The following EXOC4 variants were observed in gnomAD, a reference collection of about 807,000 sequenced individuals.
EXOC4 encodes SEC8-like 1.
In EXOC4, 71 loss-of-function variants were observed where a neutral mutation model predicts 107.2. The observed-to-expected ratio is 0.66, with a 90% CI of 0.55 to 0.81. The LOEUF (loss-of-function observed/expected upper bound fraction) is 0.81. EXOC4 is among the 30% of genes least tolerant of loss of function. The pLI, the probability that EXOC4 is intolerant of heterozygous loss-of-function variation, is 0.00. For synonymous variants in EXOC4, 456 were observed against 441.2 expected (o/e 1.03, Z -0.42); for missense variants, 1,108 against 1,189.6 (o/e 0.93, Z 1.01).
chr7:134,056,983 G>A (rs749610677), intron 17 of EXOC4, among the ~76,000 whole-genome samples: 18 of 152,158 alleles, frequency 1.2e-4, no homozygotes, highest in East Asian at 1.9e-4. Context: ...GTCAGGATAC[G>A]TTCCTGAGAG....
intron 4 of EXOC4, among the ~76,000 whole-genome samples, chr7:133,313,840 T>G (rs529642753): frequency 6.6e-6 from 1 of 152,272 alleles, no homozygotes; most frequent in East Asian, 1.9e-4. Flanking sequence ...TCCTCTACCA[T>G]GTTGCTATTG....
intron 11 of EXOC4, among the ~76,000 whole-genome samples, chr7:133,828,842 T>G (rs1187233510): frequency 6.6e-6 from 1 of 152,246 alleles, no homozygotes; most frequent in Non-Finnish European, 1.5e-5. Flanking sequence ...AGAATAAACT[T>G]AAAGCAAGAC....
At chr7:134,059,010 G>C (rs1408623396) in intron 17 of EXOC4, among the ~76,000 whole-genome samples, 1 of 152,140 alleles carries the variant, frequency 6.6e-6, no homozygotes, top group African/African-American at 2.4e-5. Context: ...AGACGTAGCT[G>C]TATATTTTAA....
At chr7:133,586,605 G>A (rs1200719405) in intron 9 of EXOC4, among the ~76,000 whole-genome samples, 6 of 152,108 alleles carry the variant, frequency 3.9e-5, no homozygotes, top group Non-Finnish European at 7.4e-5. Flanking sequence ...TCTTTATGGT[G>A]GAATGATTTA....
intron 13 of EXOC4, among the ~76,000 whole-genome samples, chr7:133,921,155 A>C (rs917351040): frequency 2.0e-5 from 3 of 152,192 alleles, no homozygotes; most frequent in Admixed American, 2.0e-4. Context: ...GGGTGGGGCT[A>C]GTGTAAGTCA....
At chr7:133,418,606 C>T (rs1293708683) in intron 7 of EXOC4, among the ~76,000 whole-genome samples, 1 of 152,158 alleles carries the variant, frequency 6.6e-6, no homozygotes, top group Non-Finnish European at 1.5e-5. Flanking sequence ...ATAACAGGAG[C>T]TCTAGTTAAA....
Position 133,344,553 on chromosome 7 carries a change from T to G in EXOC4, c.764-11777T>G, listed in dbSNP as rs191472100. Among the ~76,000 whole-genome samples the G allele has an allele frequency of 6.6e-5, 10 of 152,318 alleles. No homozygotes were observed. The East Asian group carries it at 1.9e-3, about 29-fold the overall frequency. On this transcript the variant is annotated intron_variant, in intron 5 of 17. Coordinates refer to ENST00000253861, the MANE Select transcript of EXOC4 (RefSeq NM_021807.4). Reference sequence around the variant, plus strand: ...TAGCTGTCTTGTCATCGGGTAGGATTCCAAATTTTCCCTTTTTTCCTGTTT... The same window carrying G: ...TAGCTGTCTTGTCATCGGGTAGGATGCCAAATTTTCCCTTTTTTCCTGTTT...
intron 13 of EXOC4, 143 bp downstream of exon 13, chr7:133,917,881 T>A (rs969387291): frequency 3.9e-6 from 3 of 772,048 alleles, no homozygotes; most frequent in Admixed American, 3.1e-5. Flanking sequence ...TTTCCTCCTG[T>A]CTCACCTCAT....
chr7:134,063,346 C>T (rs186090736), intron 17 of EXOC4, among the ~76,000 whole-genome samples: 109 of 152,308 alleles, frequency 7.2e-4, no homozygotes, highest in African/African-American at 2.2e-3. Flanking sequence ...CTGCTATTAA[C>T]GCACGGTACT....
intron 12 of EXOC4, among the ~76,000 whole-genome samples, chr7:133,910,608 G>GT (rs749748021): frequency 6.6e-6 from 1 of 152,110 alleles, no homozygotes. Flanking sequence ...TTTTGTGTTT[G>GT]TTTTGTTTTA....
At chr7:133,565,899 G>A (rs1800897213) in intron 9 of EXOC4, among the ~76,000 whole-genome samples, 1 of 152,130 alleles carries the variant, frequency 6.6e-6, no homozygotes, top group African/African-American at 2.4e-5. Context: ...TGAGGAGTAT[G>A]TTGACAATCA....
chr7:133,366,322 T>C (rs1201740008), intron 6 of EXOC4, among the ~76,000 whole-genome samples: 1 of 152,196 alleles, frequency 6.6e-6, no homozygotes. Flanking sequence ...AGGGATCACT[T>C]GGGGCTGGAA....
Position 133,765,515 on chromosome 7 carries a change from G to A in EXOC4, c.1515-51810G>A, listed in dbSNP as rs563267990. On this transcript the variant is annotated intron_variant, in intron 10 of 17. Transcript: ENST00000253861. Reference sequence around the variant, plus strand: ...TGTGCCCTGTTAACATGGACAAATCGTTTATTTCTTGATCACTAAAACCAT... The same window carrying A: ...TGTGCCCTGTTAACATGGACAAATCATTTATTTCTTGATCACTAAAACCAT... Among the ~76,000 whole-genome samples, 9 of 152,012 alleles carry A rather than the reference G, an allele frequency of 5.9e-5. No individual in the cohort carries two copies. In the East Asian group the frequency reaches 1.4e-3, roughly 23 times the overall value.
chr7:133,650,276 A>G (rs1803108246), intron 10 of EXOC4, among the ~76,000 whole-genome samples: 1 of 152,136 alleles, frequency 6.6e-6, no homozygotes, highest in Admixed American at 6.6e-5. Flanking sequence ...TCACTTGAGA[A>G]CATTGGCTCT....
At chr7:133,366,130 A>G (rs1240030377) in intron 6 of EXOC4, among the ~76,000 whole-genome samples, 4 of 152,176 alleles carry the variant, frequency 2.6e-5, no homozygotes, top group African/African-American at 9.7e-5. Flanking sequence ...GGTTCCCTGG[A>G]TGTTAAATTT....
chr7:133,927,714 T>TA lies in EXOC4; in HGVS notation c.2027+9982dup, dbSNP rs1800083594. Among the ~76,000 whole-genome samples, 3 of 152,124 alleles carry TA rather than the reference T, an allele frequency of 2.0e-5. No individual in the cohort carries two copies. In the South Asian group the frequency reaches 6.2e-4, roughly 31 times the overall value. ...TGAATATATTAAATAAGTGCAAGAG[T>TA]AAAAAATGCTTTACTAAAATATTTT... On this transcript the variant is annotated intron_variant, in intron 13 of 17. Transcript: ENST00000253861.
intron 9 of EXOC4, among the ~76,000 whole-genome samples, chr7:133,615,702 T>C (rs928658709): frequency 1.3e-5 from 2 of 152,208 alleles, no homozygotes; most frequent in Admixed American, 6.5e-5. Context: ...CCATTAGTTT[T>C]TAGGCTTAAG....
intron 17 of EXOC4, among the ~76,000 whole-genome samples, chr7:134,047,703 C>CCTT (rs10664968): frequency 0.24 from 35,863 of 151,926 alleles, 4,642 homozygotes; most frequent in East Asian, 0.43. Flanking sequence ...GGTTTTGTGA[C>CCTT]CTTCTCTGAC....
At chr7:133,973,304 G>A (rs750551596) in intron 14 of EXOC4, among the ~76,000 whole-genome samples, 18 of 152,136 alleles carry the variant, frequency 1.2e-4, no homozygotes, top group Non-Finnish European at 1.5e-4. Flanking sequence ...ATCAAGGAAG[G>A]CATTCTGGAG....
Sources: gnomAD v4.1 joint callset for allele counts (sites outside exome capture counted in the v4.1 genomes callset) on GRCh38, gnomAD v4.1.1 for gene constraint, MANE v1.5 for transcripts, NCBI Gene and HGNC (gene_info 2026-07-23, HGNC 2026-07-21) for gene names.